Variants in EPB41L4A observed in about 807,000 individuals in gnomAD.
The protein encoded by EPB41L4A is erythrocyte membrane protein band 4.1 like 4A.
Under a neutral mutation model 108.6 loss-of-function variants are expected in EPB41L4A, and 100 were observed. That is an observed-to-expected ratio of 0.92 (90% CI 0.78 to 1.09). EPB41L4A has a LOEUF of 1.09. EPB41L4A is among the 50% of genes least tolerant of loss of function. The pLI is 0.00. For synonymous variants in EPB41L4A, 319 were observed against 289.0 expected (o/e 1.10, Z -1.05); for missense variants, 1,030 against 842.7 (o/e 1.22, Z -2.75).
intron 1 of EPB41L4A, among the ~76,000 whole-genome samples, chr5:112,394,648 G>A (rs189738162): frequency 0.011 from 1,689 of 152,282 alleles, 33 homozygotes; most frequent in African/African-American, 0.037. Flanking sequence ...TCAATATTGT[G>A]AAAATGGCCA....
chr5:112,210,056 A>C (rs1762661981), intron 12 of EPB41L4A, 74 bp from the exon 13 acceptor site: 1 of 913,468 alleles, frequency 1.1e-6, no homozygotes, highest in East Asian at 2.6e-5. Flanking sequence ...CAGAAGACTT[A>C]TTTTAAAATG....
intron 1 of EPB41L4A, among the ~76,000 whole-genome samples, chr5:112,327,375 C>CT (rs1756242686): frequency 6.6e-6 from 1 of 152,122 alleles, no homozygotes; most frequent in African/African-American, 2.4e-5. Flanking sequence ...AATGTCAAAA[C>CT]TACCTGTACC....
chr5:112,224,000 G>T (rs1748269494), intron 12 of EPB41L4A, among the ~76,000 whole-genome samples: 1 of 152,204 alleles, frequency 6.6e-6, no homozygotes, highest in African/African-American at 2.4e-5. Context: ...CACCCATACT[G>T]GAGTGCAGTG....
intron 1 of EPB41L4A, among the ~76,000 whole-genome samples, chr5:112,354,004 G>A (rs938298329): frequency 1.3e-5 from 2 of 152,172 alleles, no homozygotes; most frequent in Non-Finnish European, 2.9e-5. Flanking sequence ...AGGCAACTTT[G>A]AAAACCATAT....
intron 1 of EPB41L4A, among the ~76,000 whole-genome samples, chr5:112,407,829 A>C (rs1179216674): frequency 1.3e-5 from 2 of 152,336 alleles, no homozygotes; most frequent in South Asian, 2.1e-4. Context: ...ACAATCCTTC[A>C]ATCAGTCTTT....
At chr5:112,212,523 G>A (rs747045071) in intron 12 of EPB41L4A, among the ~76,000 whole-genome samples, 1 of 152,226 alleles carries the variant, frequency 6.6e-6, no homozygotes, top group Middle Eastern at 3.4e-3. Flanking sequence ...TGGAACTCCT[G>A]ACCTCAAGTG....
intron 12 of EPB41L4A, among the ~76,000 whole-genome samples, chr5:112,146,889 C>T (rs749351385): frequency 1.3e-5 from 2 of 152,174 alleles, no homozygotes; most frequent in African/African-American, 2.4e-5. Context: ...CTTAACAGGT[C>T]TTTTCTATTA....
chr5:112,298,391 T>C (rs993713958), intron 2 of EPB41L4A, among the ~76,000 whole-genome samples: 7 of 152,326 alleles, frequency 4.6e-5, no homozygotes, highest in Middle Eastern at 6.8e-3. Flanking sequence ...GTTTTAATCA[T>C]AAAGGGATGC....
upstream of EPB41L4A, chr5:112,419,915 A>G: frequency 2.2e-6 from 1 of 456,444 alleles, no homozygotes; most frequent in South Asian, 1.5e-5. Context: ...GACATTCAGC[A>G]AAGCGGGGAG....
intron 12 of EPB41L4A, among the ~76,000 whole-genome samples, chr5:112,221,440 T>C (rs1306941178): frequency 1.3e-5 from 2 of 152,250 alleles, no homozygotes; most frequent in Admixed American, 6.5e-5. Flanking sequence ...AAATTGATCC[T>C]GTGATCTTGG....
At chr5:112,250,062 C>T (rs762301197) in intron 9 of EPB41L4A, among the ~76,000 whole-genome samples, 5 of 152,052 alleles carry the variant, frequency 3.3e-5, no homozygotes, top group East Asian at 1.9e-4. Context: ...AATATGGTTA[C>T]GTATTTTTTA....
chr5:112,346,216 A>ATTTTT (rs561328868), intron 1 of EPB41L4A, among the ~76,000 whole-genome samples: 1 of 67,344 alleles, frequency 1.5e-5, no homozygotes, highest in African/African-American at 4.2e-5. Context: ...GGTACATTGC[A>ATTTTT]TTTTTTTTTT....
intron 1 of EPB41L4A, among the ~76,000 whole-genome samples, chr5:112,410,832 C>G (rs1762365611): frequency 6.6e-6 from 1 of 152,134 alleles, no homozygotes. Flanking sequence ...AAGACTGTCT[C>G]TATTACTATC....
intron 4 of EPB41L4A, 39 bp downstream of exon 4, chr5:112,275,287 A>C: frequency 1.3e-6 from 2 of 1,509,528 alleles, no homozygotes; most frequent in Non-Finnish European, 1.8e-6. Flanking sequence ...TTGTATATGC[A>C]ATGCATGTAT....
At chr5:112,180,066 A>C (rs1023508948) in intron 18 of EPB41L4A, among the ~76,000 whole-genome samples, 1 of 152,206 alleles carries the variant, frequency 6.6e-6, no homozygotes, top group African/African-American at 2.4e-5. Context: ...ATAACAAAAT[A>C]AATTACTCCG....
chr5:112,194,589 T>C lies in EPB41L4A; in HGVS notation c.1481A>G (p.Glu494Gly). The change falls in exon 17 of 23, where the codon GAA becomes GGA. Residue 494 changes from glutamate (E) to glycine (G), a missense_variant. By Grantham distance (98) the Glu-to-Gly change is moderately conservative. Transcript: ENST00000261486. The stretch of plus-strand genomic sequence containing the variant: ...TTACCTGTTTCTCTTTTTCCGGTAT[T>C]CTCTATTAGAATTTTCTGATTCACT... ...SGSESENSNR[E>G]YRKKRNRIRQ... The C allele has an allele frequency of 6.2e-7, 1 of 1,600,418 alleles. No homozygotes were observed. Among genetic ancestry groups the C allele is most frequent in the Non-Finnish European group, 8.5e-7 (1 of 1,171,894 alleles).
At position 112,275,355 on chromosome 5, in the gene EPB41L4A, A is replaced by G. The variant is rs545445819; in HGVS notation, c.306T>C (p.Asp102=). ...LYFGIKFYAE[D]PCKLKEEITR... ...TTATTTCTTCTTTAAGTTTACATGG[A>G]TCTTCAGCATAGAATTTAATACCAA... The change falls in exon 4 of 23, where the codon GAT becomes GAC. Residue 102 remains aspartate, a synonymous_variant. Coordinates refer to ENST00000261486, the MANE Select transcript of EPB41L4A (RefSeq NM_022140.5). 6.4e-6 allele frequency: 10 copies of G among 1,555,892 alleles called. No individual in the cohort carries two copies. The South Asian group carries it at 1.1e-4, about 16-fold the overall frequency.
intron 2 of EPB41L4A, among the ~76,000 whole-genome samples, chr5:112,301,049 C>T (rs1754321125): frequency 1.3e-5 from 2 of 151,856 alleles, no homozygotes; most frequent in Non-Finnish European, 2.9e-5. Flanking sequence ...TCCCCTCGTT[C>T]CTTGTATCAT....
At chr5:112,389,759 T>C (rs865902427) in intron 1 of EPB41L4A, among the ~76,000 whole-genome samples, 3 of 152,330 alleles carry the variant, frequency 2.0e-5, no homozygotes, top group South Asian at 4.1e-4. Flanking sequence ...ATAAAGCTAA[T>C]TGAGACCTTT....
Sources: allele counts gnomAD v4.1 joint callset (sites outside exome capture counted in the v4.1 genomes callset), GRCh38; gene constraint gnomAD v4.1.1; transcripts MANE v1.5; gene names NCBI Gene and HGNC (gene_info 2026-07-23, HGNC 2026-07-21).